KANK4: variants seen among roughly 807,000 people sequenced by gnomAD.
KANK4 encodes KN motif and ankyrin repeat domain-containing protein 4.
In KANK4, 50 loss-of-function variants were observed where a neutral mutation model predicts 80.8. The ratio of observed to expected loss-of-function variants is 0.62; its 90% CI spans 0.49 to 0.78. The LOEUF is 0.78. Among genes scored for constraint, KANK4 ranks in the 30% least tolerant of loss-of-function variants. The probability of loss-of-function intolerance (pLI) is 0.00; values close to 1 mark genes in which losing one functional copy is unlikely to be tolerated. For synonymous variants in KANK4, 465 were observed against 506.9 expected (o/e 0.92, Z 1.11); for missense variants, 1,196 against 1,240.1 (o/e 0.96, Z 0.53).
At chr1:62,309,961 A>C (rs1557511700) in intron 1 of KANK4, among the ~76,000 whole-genome samples, 1 of 152,228 alleles carries the variant, frequency 6.6e-6, no homozygotes, top group Non-Finnish European at 1.5e-5. Context: ...CCTGGCTGAC[A>C]CAGGGCTCCA....
intron 7 of KANK4, among the ~76,000 whole-genome samples, chr1:62,257,393 C>A (rs1407292040): frequency 6.6e-6 from 1 of 152,100 alleles, no homozygotes. Flanking sequence ...CTGCCAGGAC[C>A]CAGGACTTTA....
At position 62,253,216 on chromosome 1, in the gene KANK4, G is replaced by C. The variant is rs773222515; in HGVS notation, c.2540-7C>G. The C allele has an allele frequency of 6.2e-7, 1 of 1,601,890 alleles. No homozygotes were observed. The highest frequency in any genetic ancestry group is 1.1e-5 in the South Asian group (1 of 88,498). On this transcript the variant is annotated splice_region_variant and splice_polypyrimidine_tract_variant and intron_variant, in intron 7 of 9. Coordinates refer to ENST00000371153, the MANE Select transcript of KANK4 (RefSeq NM_181712.5). ...TGGTCCACATTGCAGACGCCTGCAA[G>C]AGAAGCAATGGGTGCTGCAAAGGCT...
intron 7 of KANK4, among the ~76,000 whole-genome samples, chr1:62,262,409 T>C (rs1395245853): frequency 6.6e-6 from 1 of 152,166 alleles, no homozygotes; most frequent in East Asian, 1.9e-4. Flanking sequence ...CAGTGAAGCA[T>C]TTCCTTGACA....
chr1:62,274,724 T>C lies in KANK4; in HGVS notation c.380A>G (p.Tyr127Cys), dbSNP rs764800945. ...CTCTGCCAACAGAGCCTTCCTGTGG[T>C]AGCTCACCTCACTCCTGCTTGTTGA... is the stretch of plus-strand genomic sequence containing the variant. ...QASTSRSEVS[Y>C]HRKALLAEAT... The change falls in exon 3 of 10, where the codon TAC becomes TGC. Residue 127 changes from tyrosine (Y) to cysteine (C), a missense_variant. Transcript: ENST00000371153. 1.9e-6 allele frequency: 3 copies of C among 1,614,152 alleles called. No individual in the cohort carries two copies. The highest frequency in any genetic ancestry group is 2.5e-6 in the Non-Finnish European group (3 of 1,180,020).
In KANK4 at chr1:62,254,233, T is replaced by C. The variant is rs184314240; in HGVS notation, c.2540-1024A>G. Among the ~76,000 whole-genome samples the C allele has an allele frequency of 3.6e-3, 543 of 152,304 alleles. 2 individuals are homozygous for C. The highest frequency in any genetic ancestry group is 4.8e-3 in the Admixed American group (73 of 15,294). ...TACATTTCACAATACAATGGAAACC[T>C]AGCATTATTTGTTTATTTGTTTATT... On this transcript the variant is annotated intron_variant, in intron 7 of 9. Transcript: ENST00000371153.
intron 4 of KANK4, among the ~76,000 whole-genome samples, chr1:62,269,915 A>C (rs1230292318): frequency 1.3e-5 from 2 of 152,268 alleles, no homozygotes; most frequent in Non-Finnish European, 2.9e-5. Context: ...TGTGGACTGC[A>C]CAAAGACTAA....
intron 6 of KANK4, chr1:62,263,574 G>A: frequency 2.2e-6 from 1 of 448,462 alleles, no homozygotes; most frequent in South Asian, 2.7e-5. Context: ...ACTGGAAAAA[G>A]TTTGAGTCTG....
At chr1:62,288,836 G>A (rs1672624411) in intron 1 of KANK4, among the ~76,000 whole-genome samples, 2 of 152,142 alleles carry the variant, frequency 1.3e-5, no homozygotes, top group Non-Finnish European at 2.9e-5. Context: ...TAAACATACC[G>A]TAAAATCAAA....
intron 4 of KANK4, among the ~76,000 whole-genome samples, chr1:62,268,844 G>A (rs955987812): frequency 2.0e-5 from 3 of 152,202 alleles, no homozygotes; most frequent in Admixed American, 6.5e-5. Flanking sequence ...GCCATCCAGC[G>A]TTCTCATGAA....
chr1:62,318,016 C>A (rs1003417198), intron 1 of KANK4, among the ~76,000 whole-genome samples: 1 of 152,192 alleles, frequency 6.6e-6, no homozygotes, highest in African/African-American at 2.4e-5. Context: ...CGGACTCTGC[C>A]TCCATTCCCA....
intron 1 of KANK4, among the ~76,000 whole-genome samples, chr1:62,315,116 CCT>C (rs957020065): frequency 1.3e-5 from 2 of 152,164 alleles, no homozygotes; most frequent in African/African-American, 4.8e-5. Context: ...CCATTAGAAG[CCT>C]CTTAGTCCAA....
chr1:62,237,001 AAGG>A lies in KANK4; in HGVS notation c.*1273_*1275del, dbSNP rs1436219611. The A allele has an allele frequency of 1.3e-5, 2 of 152,120 alleles. No individual in the cohort carries two copies. Among genetic ancestry groups the A allele is most frequent in the Non-Finnish European group, 1.5e-5 (1 of 68,028 alleles). 9.4% of individuals were successfully genotyped at this position (152,120 alleles called of 1,614,324 possible). On this transcript the variant is annotated 3_prime_UTR_variant, in exon 10 of 10. Transcript: ENST00000371153. ...TTTAGAGATGATGAAATTGCGGCCC[AAGG>A]AGGTTTCATGACTCACCACAGGGGC... is the stretch of plus-strand genomic sequence containing the variant.
intron 9 of KANK4, among the ~76,000 whole-genome samples, chr1:62,245,624 C>T (rs1053197504): frequency 2.6e-5 from 4 of 152,128 alleles, no homozygotes; most frequent in Non-Finnish European, 5.9e-5. Flanking sequence ...CTCTGCTCTG[C>T]GAATCAGTAG....
At chr1:62,306,692 T>C (rs1035195470) in intron 1 of KANK4, among the ~76,000 whole-genome samples, 3 of 152,132 alleles carry the variant, frequency 2.0e-5, no homozygotes, top group African/African-American at 7.2e-5. Flanking sequence ...TGCTAACTGG[T>C]ATGATATTTA....
chr1:62,284,868 C>T (rs1398828437), intron 1 of KANK4, among the ~76,000 whole-genome samples: 2 of 152,178 alleles, frequency 1.3e-5, no homozygotes, highest in Non-Finnish European at 2.9e-5. Context: ...TATTGCAAGT[C>T]TTATTCCCAT....
At chr1:62,269,408 A>G (rs1044616367) in intron 4 of KANK4, among the ~76,000 whole-genome samples, 1 of 152,174 alleles carries the variant, frequency 6.6e-6, no homozygotes, top group African/African-American at 2.4e-5. Flanking sequence ...TGGCCTCTAC[A>G]TAAGCCCCTG....
At chr1:62,301,728 A>G (rs1644413714) in intron 1 of KANK4, among the ~76,000 whole-genome samples, 3 of 152,114 alleles carry the variant, frequency 2.0e-5, no homozygotes, top group Admixed American at 1.3e-4. Flanking sequence ...AGGATTACAC[A>G]GATGAATTGG....
At chr1:62,242,011 G>A (rs545685331) in intron 9 of KANK4, among the ~76,000 whole-genome samples, 104 of 152,246 alleles carry the variant, frequency 6.8e-4, no homozygotes, top group African/African-American at 2.3e-3. Flanking sequence ...ACCACTTGGC[G>A]AGGGTTAGTG....
intron 7 of KANK4, among the ~76,000 whole-genome samples, chr1:62,261,512 C>G (rs948909503): frequency 9.9e-5 from 15 of 152,030 alleles, no homozygotes; most frequent in Non-Finnish European, 1.6e-4. Context: ...ATTACAAGCC[C>G]TCACTACCTC....
Sources: gnomAD v4.1 joint callset for allele counts (sites outside exome capture counted in the v4.1 genomes callset) on GRCh38, gnomAD v4.1.1 for gene constraint, MANE v1.5 for transcripts, NCBI Gene and HGNC (gene_info 2026-07-23, HGNC 2026-07-21) for gene names.